The following COLEC10 variants were observed in gnomAD, a reference collection of about 807,000 sequenced individuals.
COLEC10 encodes collectin subfamily member 10.
COLEC10 carries 22 observed loss-of-function variants against 28.4 expected under a neutral mutation model. That is an observed-to-expected ratio of 0.78 (90% confidence interval 0.55 to 1.11). The LOEUF (loss-of-function observed/expected upper bound fraction) is 1.11. Among genes scored for constraint, COLEC10 ranks in the 50% least tolerant of loss-of-function variants. COLEC10 has a pLI of 0.00. For synonymous variants in COLEC10, 125 were observed against 116.1 expected (o/e 1.08, Z -0.49); for missense variants, 361 against 344.1 (o/e 1.05, Z -0.39).
chr8:119,080,530 A>G (rs560726869), intron 1 of COLEC10, among the ~76,000 whole-genome samples: 3 of 152,322 alleles, frequency 2.0e-5, no homozygotes, highest in Admixed American at 6.5e-5. Flanking sequence ...AACTCCATCA[A>G]TAAATTCAGA....
At chr8:118,989,909 T>G in the COLEC10 span, among the ~76,000 whole-genome samples, 1 of 152,150 alleles carries the variant, frequency 6.6e-6, no homozygotes, top group Non-Finnish European at 1.5e-5. Context: ...ATATCTGAAA[T>G]GTTTCAGTGA....
intron 2 of COLEC10, among the ~76,000 whole-genome samples, chr8:119,023,826 AT>A (rs1814138556): frequency 2.6e-5 from 4 of 152,166 alleles, no homozygotes; most frequent in South Asian, 4.1e-4. Context: ...AGAGGAATAG[AT>A]TTTTTTAATG....
At chr8:119,008,484 T>G (rs1813846591) in intron 1 of COLEC10, among the ~76,000 whole-genome samples, 1 of 149,582 alleles carries the variant, frequency 6.7e-6, no homozygotes, top group South Asian at 2.1e-4. Context: ...CTTTTTATTT[T>G]TTTTTTTGCC....
At position 119,106,890 on chromosome 8, in the gene COLEC10, T is replaced by C. The variant is rs531164818; in HGVS notation, c.*699T>C. Among the ~76,000 whole-genome samples the C allele has an allele frequency of 1.3e-5, 2 of 152,264 alleles. No homozygotes were observed. The highest frequency in any genetic ancestry group is 2.1e-4 in the South Asian group (1 of 4,828). Reference sequence around the variant, plus strand: ...GTGCTTTGAACCCCTTTCTGTAGGCTCACACCTTAATCTCAGGCCCCTATA... The same window carrying C: ...GTGCTTTGAACCCCTTTCTGTAGGCCCACACCTTAATCTCAGGCCCCTATA... On this transcript the variant is annotated 3_prime_UTR_variant, in exon 6 of 6. Coordinates refer to ENST00000332843, the MANE Select transcript of COLEC10 (RefSeq NM_006438.5).
intron 1 of COLEC10, among the ~76,000 whole-genome samples, chr8:119,007,049 A>G (rs1242834735): frequency 6.6e-6 from 1 of 152,092 alleles, no homozygotes; most frequent in Non-Finnish European, 1.5e-5. Flanking sequence ...TACCTATGCA[A>G]GCTGGAAGTG....
intron 2 of COLEC10, among the ~76,000 whole-genome samples, chr8:119,017,804 C>T (rs1196790711): frequency 6.6e-6 from 1 of 151,974 alleles, no homozygotes. Context: ...AAATCCTGGC[C>T]CATAGTAGGA....
chr8:119,084,972 C>A (rs968984936), intron 1 of COLEC10, among the ~76,000 whole-genome samples: 1 of 152,172 alleles, frequency 6.6e-6, no homozygotes, highest in Admixed American at 6.5e-5. Flanking sequence ...CTCATTAAAG[C>A]AGACACTGAT....
At chr8:118,995,902 T>C (rs1813580759) in intron 1 of COLEC10, among the ~76,000 whole-genome samples, 1 of 152,068 alleles carries the variant, frequency 6.6e-6, no homozygotes, top group Admixed American at 6.6e-5. Context: ...GAATATTTAA[T>C]GTGAGATATA....
rs145411346 is a variant in COLEC10, at chr8:119,019,762, G to A, written n.235+10209G>A. On this transcript the variant is annotated intron_variant and non_coding_transcript_variant, in intron 2 of 6. Transcript: ENST00000521788. ...TCAATCCACTAGGGCAGGAATTGCC[G>A]TCTCATATGATGATGTACACCCAGT... is the stretch of plus-strand genomic sequence containing the variant. 2.0e-3 allele frequency among the ~76,000 whole-genome samples: 300 copies of A among 152,158 alleles called. 4 individuals carry two copies. Among genetic ancestry groups the A allele is most frequent in the African/African-American group, 6.5e-3 (268 of 41,504 alleles).
chr8:119,098,273 G>C (rs1396092726), intron 3 of COLEC10, among the ~76,000 whole-genome samples: 1 of 152,034 alleles, frequency 6.6e-6, no homozygotes, highest in African/African-American at 2.4e-5. Context: ...CATAGTAGAT[G>C]ACGAAGACAA....
At chr8:118,985,362 G>T in the COLEC10 span, among the ~76,000 whole-genome samples, 2 of 152,062 alleles carry the variant, frequency 1.3e-5, no homozygotes, top group African/African-American at 4.8e-5. Context: ...ATTCTGCGAT[G>T]ATCACTAATT....
intron 2 of COLEC10, among the ~76,000 whole-genome samples, chr8:119,020,422 A>G (rs1345625314): frequency 6.6e-6 from 1 of 152,154 alleles, no homozygotes; most frequent in Admixed American, 6.6e-5. Flanking sequence ...TGCCTTTTCC[A>G]AAAACTAAAG....
At chr8:119,092,442 T>A (rs1183875838) in intron 3 of COLEC10, among the ~76,000 whole-genome samples, 1 of 152,180 alleles carries the variant, frequency 6.6e-6, no homozygotes, top group African/African-American at 2.4e-5. Context: ...GTCTAAGCAT[T>A]CCTTCCCTGT....
the COLEC10 span, among the ~76,000 whole-genome samples, chr8:118,981,903 C>CTAGTGTGA: frequency 6.6e-6 from 1 of 151,886 alleles, no homozygotes; most frequent in African/African-American, 2.4e-5. Flanking sequence ...GGAGGTCCTC[C>CTAGTGTGA]TAGTGTGATG....
rs1563734082 is a variant in COLEC10, at chr8:119,070,469, CT to C, written c.148+3041del. On this transcript the variant is annotated intron_variant, in intron 1 of 5. Transcript: ENST00000332843. The stretch of plus-strand genomic sequence containing the variant: ...TCGCTCTCTCTCTCTCTCTCTCTCT[CT>C]CTCTCTCCTTCCCCCTCCTTCCCTC... Among the ~76,000 whole-genome samples the C allele has an allele frequency of 5.9e-4, 78 of 131,518 alleles. 1 individual carries two copies. Among genetic ancestry groups the C allele is most frequent in the Non-Finnish European group, 4.6e-4 (28 of 61,514 alleles). 86.3% of individuals were successfully genotyped at this position (131,518 alleles called of 152,430 possible). A position where few individuals can be genotyped will look rare whatever the true frequency, so the allele number is the denominator to read the frequency against.
intron 1 of COLEC10, among the ~76,000 whole-genome samples, chr8:119,088,541 C>T (rs959530073): frequency 6.6e-6 from 1 of 152,202 alleles, no homozygotes. Context: ...AAGTTACTCT[C>T]GCTCAAACTG....
chr8:119,019,141 TGTAA>T (rs771938161), intron 2 of COLEC10, among the ~76,000 whole-genome samples: 2 of 152,180 alleles, frequency 1.3e-5, no homozygotes, highest in Admixed American at 6.5e-5. Context: ...AGTGTCCACC[TGTAA>T]GTGTCATAAA....
intron 3 of COLEC10, among the ~76,000 whole-genome samples, chr8:119,091,635 A>AAGAAAGAAAGAAAGAAAGAG (rs1815605147): frequency 6.9e-6 from 1 of 144,312 alleles, no homozygotes; most frequent in African/African-American, 2.6e-5. Flanking sequence ...GAAAGAAAGA[A>AAGAAAGAAAGAAAGAAAGAG]AATTGAGGAT....
the COLEC10 span, among the ~76,000 whole-genome samples, chr8:118,962,381 A>G: frequency 4.6e-5 from 7 of 152,246 alleles, no homozygotes; most frequent in Non-Finnish European, 7.3e-5. Flanking sequence ...CAAGGCTTTA[A>G]TGAAAACATT....
Sources: gnomAD v4.1 joint callset for allele counts (sites outside exome capture counted in the v4.1 genomes callset) on GRCh38, gnomAD v4.1.1 for gene constraint, MANE v1.5 for transcripts, NCBI Gene and HGNC (gene_info 2026-07-23, HGNC 2026-07-21) for gene names.